The following DEFB104A variants were observed in gnomAD, a reference collection of about 807,000 sequenced individuals.
DEFB104A encodes defensin beta 104A.
intron 1 of DEFB104A, among the ~76,000 whole-genome samples, chr8:7,837,064 A>G (rs1251511463): frequency 7.1e-6 from 1 of 141,692 alleles, no homozygotes; most frequent in Non-Finnish European, 1.5e-5. Flanking sequence ...GTAGGCAAGA[A>G]CGTAATTTAC....
intron 1 of DEFB104A, among the ~76,000 whole-genome samples, chr8:7,838,745 T>C (rs1222939734): frequency 1.4e-5 from 2 of 141,166 alleles, no homozygotes; most frequent in African/African-American, 5.1e-5. Context: ...GATTGATGTA[T>C]TATGTCTCCC....
At chr8:7,836,711 G>GCAGTCCTTGTATGCAC (rs1419635829) in intron 1 of DEFB104A, among the ~76,000 whole-genome samples, 169 bp downstream of exon 1, 1 of 146,664 alleles carries the variant, frequency 6.8e-6, no homozygotes, top group Non-Finnish European at 1.5e-5. Flanking sequence ...GCAGTATGTG[G>GCAGTCCTTGTATGCAC]CAGTCCTTGT....
At chr8:7,837,232 T>C (rs1817667629) in intron 1 of DEFB104A, among the ~76,000 whole-genome samples, 1 of 137,974 alleles carries the variant, frequency 7.2e-6, no homozygotes. Flanking sequence ...TCTAATTCCC[T>C]TCTTTTACAA....
chr8:7,840,872 T>G, intron 1 of DEFB104A, among the ~76,000 whole-genome samples, 162 bp from the exon 2 acceptor site: 1 of 151,770 alleles, frequency 6.6e-6, no homozygotes, highest in Non-Finnish European at 1.5e-5. Context: ...AATCAGAAGG[T>G]CAAGTCAATC....
At position 7,837,399 on chromosome 8, in the gene DEFB104A, C is replaced by T. The variant is rs535151945; in HGVS notation, c.58+857C>T. ...CTCAGTCAATTTTATGGGGCTTTGA[C>T]AGACACCCAGCACCCATCTTTTTGC... On this transcript the variant is annotated intron_variant, in intron 1 of 1. Transcript: ENST00000314265. 7.5e-4 allele frequency among the ~76,000 whole-genome samples: 107 copies of T among 142,474 alleles called. 8 individuals carry two copies. Among genetic ancestry groups the T allele is most frequent in the African/African-American group, 2.5e-3 (97 of 38,158 alleles). The allele number at this position is 142,474 out of a possible 152,430, so 93.5% of individuals were successfully genotyped here.
At position 7,839,370 on chromosome 8, in the gene DEFB104A, T is replaced by C. The variant is rs1817713420; in HGVS notation, c.59-1664T>C. On this transcript the variant is annotated intron_variant, in intron 1 of 1. Coordinates refer to ENST00000314265, the MANE Select transcript of DEFB104A (RefSeq NM_080389.3). ...GAAGGCACATATCTGCTACTCAACC[T>C]CCACATACTCCCTCAGCATGATACA... Among the ~76,000 whole-genome samples the C allele has an allele frequency of 1.4e-5, 2 of 145,126 alleles. 1 individual carries two copies. The highest frequency in any genetic ancestry group is 3.1e-5 in the Non-Finnish European group (2 of 64,638).
intron 1 of DEFB104A, among the ~76,000 whole-genome samples, chr8:7,838,842 C>A (rs1352347811): frequency 7.1e-6 from 1 of 141,088 alleles, no homozygotes; most frequent in Non-Finnish European, 1.6e-5. Flanking sequence ...ACAGGTGTGT[C>A]CTCAACCTTG....
At chr8:7,837,262 G>A (rs2979546) in intron 1 of DEFB104A, among the ~76,000 whole-genome samples, 127,742 of 131,654 alleles carry the variant, frequency 0.97, 62,297 homozygotes, top group East Asian at 1. Context: ...CATTCTCTAT[G>A]GTACAGTGAG....
chr8:7,839,357 C>G (rs1346092044), intron 1 of DEFB104A, among the ~76,000 whole-genome samples: 17 of 145,588 alleles, frequency 1.2e-4, no homozygotes, highest in African/African-American at 3.7e-4. Context: ...AGGCACATAT[C>G]TGCTACTCAA....
At chr8:7,839,285 G>A (rs1430603352) in intron 1 of DEFB104A, among the ~76,000 whole-genome samples, 3 of 144,550 alleles carry the variant, frequency 2.1e-5, no homozygotes, top group African/African-American at 5.0e-5. Context: ...GAGCAAGCAT[G>A]CTGTCCTCTT....
At chr8:7,839,331 C>A (rs1585698719) in intron 1 of DEFB104A, among the ~76,000 whole-genome samples, 1 of 145,500 alleles carries the variant, frequency 6.9e-6, no homozygotes, top group East Asian at 2.0e-4. Flanking sequence ...AAGCGACCTG[C>A]CACAGATATG....
intron 1 of DEFB104A, among the ~76,000 whole-genome samples, chr8:7,839,021 T>C (rs1167749853): frequency 7.0e-6 from 1 of 143,046 alleles, no homozygotes; most frequent in Non-Finnish European, 1.6e-5. Flanking sequence ...CCTTAGTGTA[T>C]GGACTGCATT....
chr8:7,836,892 A>G (rs1463721499), intron 1 of DEFB104A, among the ~76,000 whole-genome samples: 1 of 142,074 alleles, frequency 7.0e-6, no homozygotes. Context: ...GGCAACAGCA[A>G]TTATTCATTG....
At chr8:7,839,041 G>T (rs924457375) in intron 1 of DEFB104A, among the ~76,000 whole-genome samples, 6 of 143,026 alleles carry the variant, frequency 4.2e-5, no homozygotes, top group African/African-American at 1.5e-4. Flanking sequence ...TCTCCCTTTT[G>T]CATTCTGTTT....
At chr8:7,839,253 A>G (rs1817710279) in intron 1 of DEFB104A, among the ~76,000 whole-genome samples, 1 of 144,722 alleles carries the variant, frequency 6.9e-6, no homozygotes, top group South Asian at 2.2e-4. Context: ...CTTCTCCCCT[A>G]ACGCTAAGCT....
At chr8:7,839,278 C>T (rs563759464) in intron 1 of DEFB104A, among the ~76,000 whole-genome samples, 118 of 144,748 alleles carry the variant, frequency 8.2e-4, no homozygotes, top group Non-Finnish European at 1.0e-3. Context: ...TTTCCCTGAG[C>T]AAGCATGCTG....
chr8:7,838,952 T>G (rs1217061873), intron 1 of DEFB104A, among the ~76,000 whole-genome samples: 3 of 141,948 alleles, frequency 2.1e-5, no homozygotes, highest in Non-Finnish European at 4.8e-5. Context: ...AGAAAGAAAC[T>G]AGTGTAGTGT....
intron 1 of DEFB104A, among the ~76,000 whole-genome samples, chr8:7,840,366 G>GTATA (rs1355505115): frequency 1.9e-4 from 11 of 57,116 alleles, no homozygotes; most frequent in South Asian, 7.8e-4. Flanking sequence ...CTCTATATAT[G>GTATA]TGTATATATA....
intron 1 of DEFB104A, among the ~76,000 whole-genome samples, chr8:7,837,322 G>A (rs1817669544): frequency 7.3e-6 from 1 of 137,748 alleles, no homozygotes; most frequent in Admixed American, 7.7e-5. Flanking sequence ...GTGCTGGGAC[G>A]AAACCAATTG....
Sources: gnomAD v4.1 joint callset for allele counts (sites outside exome capture counted in the v4.1 genomes callset) on GRCh38, gnomAD v4.1.1 for gene constraint, MANE v1.5 for transcripts, NCBI Gene and HGNC (gene_info 2026-07-23, HGNC 2026-07-21) for gene names.